Variants in GLI3 observed in about 807,000 individuals in gnomAD.
GLI3 encodes GLI family zinc finger 3, also known as transcription activator GLI3.
Under a neutral mutation model 100.8 loss-of-function variants are expected in GLI3, and 20 were observed. The ratio of observed to expected loss-of-function variants is 0.20; its 90% CI spans 0.14 to 0.29. GLI3 has a LOEUF of 0.29. Among genes scored for constraint, GLI3 ranks in the 10% least tolerant of loss-of-function variants. The probability of loss-of-function intolerance (pLI) is 1.00; values close to 1 mark genes in which losing one functional copy is unlikely to be tolerated. For missense variants in GLI3, 2,040 were observed against 2,128.5 expected (o/e 0.96, Z 0.82); for synonymous variants, 938 against 860.5 (o/e 1.09, Z -1.58).
chr7:42,195,894 G>C (rs1181141211), intron 2 of GLI3, among the ~76,000 whole-genome samples: 1 of 152,232 alleles, frequency 6.6e-6, no homozygotes, highest in African/African-American at 2.4e-5. Flanking sequence ...AGCAGACACA[G>C]TGTGTCAGTT....
chr7:42,093,209 G>A lies in GLI3; in HGVS notation c.368-16352C>T, dbSNP rs1447206505. On this transcript the variant is annotated intron_variant, in intron 3 of 14. Coordinates refer to ENST00000395925, the MANE Select transcript of GLI3 (RefSeq NM_000168.6). ...AGCCTGTCCAACATGGAGAAACCCCGTCTCTACTAAAAATACAAAATTAGC... is the reference window on the plus strand; with the variant it reads ...AGCCTGTCCAACATGGAGAAACCCCATCTCTACTAAAAATACAAAATTAGC... Among the ~76,000 whole-genome samples, 3 of 151,492 alleles carry A rather than the reference G, an allele frequency of 2.0e-5. No homozygotes were observed. The East Asian group carries it at 6.0e-4, about 30-fold the overall frequency.
At chr7:41,978,455 G>A (rs1325432321) in intron 11 of GLI3, 144 bp downstream of exon 11, 5 of 804,498 alleles carry the variant, frequency 6.2e-6, no homozygotes, top group African/African-American at 5.0e-5. Context: ...CTCAAACACC[G>A]AGGCATTTAT....
At chr7:42,232,125 C>A (rs1788706224) in intron 1 of GLI3, among the ~76,000 whole-genome samples, 2 of 151,796 alleles carry the variant, frequency 1.3e-5, no homozygotes, top group African/African-American at 4.8e-5. Flanking sequence ...CACCACCTAG[C>A]CCCCTCCCCT....
Position 42,040,218 on chromosome 7 carries a change from C to T in GLI3, c.848G>A (p.Arg283Lys). The part of the protein sequence containing the change: ...AMDSTRFSSP[R>K]LSARPSRKRT... ...TTTTCGGCTCGGCCTGGCTGACAGCCTGGGGCTGGAGAATCTGGTGCCTGT... is the reference window on the plus strand; with the variant it reads ...TTTTCGGCTCGGCCTGGCTGACAGCTTGGGGCTGGAGAATCTGGTGCCTGT... Residue 283 changes from arginine to lysine, a missense_variant, in exon 7 of 15, where the codon AGG becomes AAG. Arg to Lys is a conservative substitution (Grantham distance 26, BLOSUM62 2). This residue lies in a region of GLI3 where 603 missense variants were observed against 690.9 expected (regional missense o/e 0.87). Coordinates refer to ENST00000395925, the MANE Select transcript of GLI3 (RefSeq NM_000168.6). 6.2e-7 allele frequency: 1 copy of T among 1,613,768 alleles called. No homozygotes were observed. Among genetic ancestry groups the T allele is most frequent in the Non-Finnish European group, 8.5e-7 (1 of 1,179,706 alleles).
intron 1 of GLI3, among the ~76,000 whole-genome samples, chr7:42,243,370 C>T (rs537082108): frequency 6.6e-6 from 1 of 152,184 alleles, no homozygotes; most frequent in Non-Finnish European, 1.5e-5. Context: ...CCACCTGTAG[C>T]TCTCTCTTTG....
intron 2 of GLI3, among the ~76,000 whole-genome samples, chr7:42,207,108 C>T (rs995080426): frequency 3.3e-5 from 5 of 152,126 alleles, no homozygotes; most frequent in African/African-American, 9.7e-5. Flanking sequence ...GAGTATTAGG[C>T]AGTGTCTACT....
At position 42,062,783 on chromosome 7, in the gene GLI3, G is replaced by A. The variant is rs1348018352; in HGVS notation, c.473+13969C>T. Among the ~76,000 whole-genome samples the A allele has an allele frequency of 2.0e-5, 3 of 152,108 alleles. 1 individual carries two copies. The highest frequency in any genetic ancestry group is 2.0e-4 in the Admixed American group (3 of 15,252). ...TTAGGAGAAATTGAAGAGGCTTTGT[G>A]TCAAGTACAGCTAAATCCAGCCTTT... On this transcript the variant is annotated intron_variant, in intron 4 of 14. Transcript: ENST00000395925.
At chr7:42,098,392 C>A (rs1785387487) in intron 3 of GLI3, among the ~76,000 whole-genome samples, 2 of 152,160 alleles carry the variant, frequency 1.3e-5, no homozygotes, top group African/African-American at 4.8e-5. Flanking sequence ...GGCCTTCCCT[C>A]TTGAAGTTTT....
intron 2 of GLI3, among the ~76,000 whole-genome samples, chr7:42,162,157 G>A (rs1015621212): frequency 6.6e-6 from 1 of 152,210 alleles, no homozygotes. Context: ...ATTAGGTAAA[G>A]GCCATGGAGA....
intron 1 of GLI3, among the ~76,000 whole-genome samples, chr7:42,243,606 A>C (rs1788944850): frequency 6.6e-6 from 1 of 152,242 alleles, no homozygotes. Context: ...TGTGATTTAA[A>C]AAGAAAGTGA....
At chr7:42,032,594 T>A (rs529804379) in intron 7 of GLI3, among the ~76,000 whole-genome samples, 1 of 152,312 alleles carries the variant, frequency 6.6e-6, no homozygotes, top group South Asian at 2.1e-4. Context: ...CTATGTTTTT[T>A]AAATGCTTCA....
chr7:41,991,338 A>G (rs1787982121), intron 10 of GLI3, among the ~76,000 whole-genome samples: 1 of 152,192 alleles, frequency 6.6e-6, no homozygotes, highest in South Asian at 2.1e-4. Context: ...ACCAAGGTGG[A>G]AAGCAAGCCC....
At chr7:42,188,712 T>C (rs1365896328) in intron 2 of GLI3, among the ~76,000 whole-genome samples, 2 of 152,220 alleles carry the variant, frequency 1.3e-5, no homozygotes, top group Non-Finnish European at 2.9e-5. Flanking sequence ...AGGAAACTTA[T>C]ATCACTAAGT....
intron 3 of GLI3, among the ~76,000 whole-genome samples, chr7:42,132,226 G>A (rs959040914): frequency 2.1e-5 from 3 of 144,936 alleles, no homozygotes; most frequent in South Asian, 2.2e-4. Context: ...TCAGCCTCCC[G>A]AGTAGCTGGG....
At chr7:41,987,776 C>A (rs1159564355) in intron 10 of GLI3, among the ~76,000 whole-genome samples, 1 of 152,140 alleles carries the variant, frequency 6.6e-6, no homozygotes, top group Admixed American at 6.5e-5. Flanking sequence ...AATTGACGCA[C>A]TGTTAATTCA....
intron 10 of GLI3, among the ~76,000 whole-genome samples, chr7:41,997,042 CTGCTGGGAGAGA>C (rs1788145014): frequency 1.3e-5 from 2 of 152,188 alleles, no homozygotes; most frequent in East Asian, 3.8e-4. Context: ...TATGGGAAAG[CTGCTGGGAGAGA>C]CACTCCCGTA....
At chr7:42,104,711 A>G (rs914867362) in intron 3 of GLI3, among the ~76,000 whole-genome samples, 11 of 152,234 alleles carry the variant, frequency 7.2e-5, no homozygotes, top group East Asian at 1.9e-4. Flanking sequence ...CTAATCCCCA[A>G]TGTAATGGTA....
chr7:42,262,196 T>TC (rs1562803594), intron 1 of GLI3, among the ~76,000 whole-genome samples: 740 of 38,266 alleles, frequency 0.019, 9 homozygotes, highest in African/African-American at 0.051. Flanking sequence ...CTTTTATTTT[T>TC]TTTCCTTCCT....
intron 12 of GLI3, among the ~76,000 whole-genome samples, chr7:41,976,539 C>A (rs1787518518): frequency 6.6e-6 from 1 of 152,172 alleles, no homozygotes; most frequent in Non-Finnish European, 1.5e-5. Flanking sequence ...TCTCTCTGCC[C>A]AGCTCTCTGT....
Sources: allele counts gnomAD v4.1 joint callset (sites outside exome capture counted in the v4.1 genomes callset), GRCh38; gene constraint gnomAD v4.1.1; regional missense constraint gnomAD v4.1.1; transcripts MANE v1.5; gene names NCBI Gene and HGNC (gene_info 2026-07-23, HGNC 2026-07-21).